The following RPS6KA5 variants were observed in gnomAD, a reference collection of about 807,000 sequenced individuals.
RPS6KA5 encodes the protein ribosomal protein S6 kinase alpha-5.
Under a neutral mutation model 85.5 loss-of-function variants are expected in RPS6KA5, and 27 were observed. The observed-to-expected ratio is 0.32, with a 90% CI of 0.23 to 0.44. The LOEUF is 0.44. Among genes scored for constraint, RPS6KA5 ranks in the 20% least tolerant of loss-of-function variants. RPS6KA5 has a pLI of 1.00. For missense variants in RPS6KA5, 811 were observed against 980.9 expected (o/e 0.83, Z 2.31); for synonymous variants, 334 against 348.2 (o/e 0.96, Z 0.46).
chr14:90,944,968 C>T (rs368796061), intron 4 of RPS6KA5, among the ~76,000 whole-genome samples: 12 of 147,990 alleles, frequency 8.1e-5, no homozygotes, highest in Non-Finnish European at 1.2e-4. Context: ...GAATAAAAAA[C>T]GGACAAGTGT....
At chr14:91,016,988 C>T (rs555165780) in intron 1 of RPS6KA5, among the ~76,000 whole-genome samples, 1 of 152,158 alleles carries the variant, frequency 6.6e-6, no homozygotes, top group South Asian at 2.1e-4. Flanking sequence ...TCTGTGGATA[C>T]CAGCCAGTCT....
chr14:91,034,593 C>G (rs578022004), intron 1 of RPS6KA5, among the ~76,000 whole-genome samples: 1 of 152,264 alleles, frequency 6.6e-6, no homozygotes, highest in South Asian at 2.1e-4. Context: ...TAAAATGGAC[C>G]AATCAGCATG....
intron 1 of RPS6KA5, among the ~76,000 whole-genome samples, chr14:91,004,006 T>C (rs1055450034): frequency 6.6e-6 from 1 of 152,232 alleles, no homozygotes; most frequent in African/African-American, 2.4e-5. Flanking sequence ...GGTCAAGGTT[T>C]CAGTTTGGGG....
rs866436833 is a variant in RPS6KA5, at chr14:90,863,013, C to T, written c.*9061G>A. 5.3e-5 allele frequency: 8 copies of T among 151,638 alleles called. No individual in the cohort carries two copies. The South Asian group carries it at 1.2e-3, about 24-fold the overall frequency. 9.4% of individuals were successfully genotyped at this position (151,638 alleles called of 1,614,324 possible). A position where few individuals can be genotyped will look rare whatever the true frequency, so the allele number is the denominator to read the frequency against. ...ATATCTATAAAAAAATTAAATAAAA[C>T]ATAATATTGGGCTGGGTGAGGTGGC... On this transcript the variant is annotated 3_prime_UTR_variant, in exon 17 of 17. Coordinates refer to ENST00000614987, the MANE Select transcript of RPS6KA5 (RefSeq NM_004755.4).
At chr14:90,960,008 G>A (rs1429850958) in intron 3 of RPS6KA5, among the ~76,000 whole-genome samples, 1 of 152,122 alleles carries the variant, frequency 6.6e-6, no homozygotes, top group Non-Finnish European at 1.5e-5. Context: ...ACTTGATCAT[G>A]CCCAGCATGC....
At position 90,860,776 on chromosome 14, in the gene RPS6KA5, A is replaced by G. The variant is rs1400100697; in HGVS notation, c.*11298T>C. ...AAGACTGGCACTAAAATAAATACTA[A>G]AGAGAATTCTCCAGATGAAGAAAAG... On this transcript the variant is annotated 3_prime_UTR_variant, in exon 17 of 17. Transcript: ENST00000614987. The G allele has an allele frequency of 6.6e-6, 1 of 152,204 alleles. No homozygotes were observed. Among genetic ancestry groups the G allele is most frequent in the Non-Finnish European group, 1.5e-5 (1 of 68,038 alleles). 9.4% of individuals were successfully genotyped at this position (152,204 alleles called of 1,614,324 possible). A position where few individuals can be genotyped will look rare whatever the true frequency, so the allele number is the denominator to read the frequency against.
chr14:91,038,777 C>A (rs957816016), intron 1 of RPS6KA5, among the ~76,000 whole-genome samples: 1 of 152,194 alleles, frequency 6.6e-6, no homozygotes, highest in Non-Finnish European at 1.5e-5. Context: ...TGTCTCATGG[C>A]CAGTGCTAAT....
At chr14:91,017,163 A>G (rs1191569191) in intron 1 of RPS6KA5, among the ~76,000 whole-genome samples, 1 of 152,216 alleles carries the variant, frequency 6.6e-6, no homozygotes, top group Non-Finnish European at 1.5e-5. Context: ...TGCCAGCAGC[A>G]GAGACCAATA....
rs1257065258 is a variant in RPS6KA5, at chr14:90,860,857, A to T, written c.*11217T>A. 6.6e-6 allele frequency: 1 copy of T among 152,038 alleles called. No individual in the cohort carries two copies. The highest frequency in any genetic ancestry group is 1.5e-5 in the Non-Finnish European group (1 of 68,048). The allele number at this position is 152,038 out of a possible 1,614,324, so 9.4% of individuals were successfully genotyped here. A position where few individuals can be genotyped will look rare whatever the true frequency, so the allele number is the denominator to read the frequency against. ...TGGAAAGAAAAACACCAGAAAACAT[A>T]AATATGTGAGCAAACAAACAATATA... is the stretch of plus-strand genomic sequence containing the variant. On this transcript the variant is annotated 3_prime_UTR_variant, in exon 17 of 17. Coordinates refer to ENST00000614987, the MANE Select transcript of RPS6KA5 (RefSeq NM_004755.4).
chr14:90,895,435 C>G (rs2034785429), intron 12 of RPS6KA5, among the ~76,000 whole-genome samples: 2 of 152,148 alleles, frequency 1.3e-5, no homozygotes, highest in African/African-American at 4.8e-5. Context: ...TTTCAGGGTT[C>G]CTGTTAATAT....
chr14:91,044,334 A>T (rs2042733532), intron 1 of RPS6KA5, among the ~76,000 whole-genome samples: 1 of 85,290 alleles, frequency 1.2e-5, no homozygotes, highest in African/African-American at 4.6e-5. Flanking sequence ...AGAGAGAAAG[A>T]TAGACAAAGA....
At position 90,913,777 on chromosome 14, in the gene RPS6KA5, G is replaced by C. The variant is rs537076214; in HGVS notation, c.806+6429C>G. Among the ~76,000 whole-genome samples, 102 of 152,330 alleles carry C rather than the reference G, an allele frequency of 6.7e-4. 2 individuals carry two copies. In the South Asian group the frequency reaches 0.02, roughly 30 times the overall value. ...GGGGGAAGATGATAGTGATGGAAGA[G>C]AGTGGTAAACTCAGACCTTGGGGGT... On this transcript the variant is annotated intron_variant, in intron 7 of 16. Transcript: ENST00000614987.
chr14:91,041,422 TA>T (rs574751642), intron 1 of RPS6KA5, among the ~76,000 whole-genome samples: 17 of 152,240 alleles, frequency 1.1e-4, no homozygotes, highest in African/African-American at 2.2e-4. Context: ...TATTTGAGAT[TA>T]TTTTTTTCTT....
chr14:90,971,266 G>A (rs561373279), intron 3 of RPS6KA5, among the ~76,000 whole-genome samples: 2 of 152,150 alleles, frequency 1.3e-5, no homozygotes, highest in Admixed American at 6.5e-5. Flanking sequence ...GCAATGAGCC[G>A]AGATCACGCC....
intron 14 of RPS6KA5, among the ~76,000 whole-genome samples, chr14:90,883,814 G>A (rs929731740): frequency 1.3e-5 from 2 of 152,044 alleles, no homozygotes; most frequent in African/African-American, 2.4e-5. Flanking sequence ...ATTGCTTTTC[G>A]TTTTTTGATT....
intron 14 of RPS6KA5, among the ~76,000 whole-genome samples, chr14:90,884,980 C>T (rs541279928): frequency 6.1e-4 from 93 of 152,202 alleles, no homozygotes; most frequent in African/African-American, 2.2e-3. Context: ...GGGCAGGGAA[C>T]AGGGGCTCAC....
chr14:90,965,602 G>A (rs1231069471), intron 3 of RPS6KA5, among the ~76,000 whole-genome samples: 1 of 152,124 alleles, frequency 6.6e-6, no homozygotes, highest in East Asian at 1.9e-4. Context: ...CACGAGAGAG[G>A]GGTAAAATGC....
At chr14:90,921,909 G>C (rs975050807) in intron 6 of RPS6KA5, among the ~76,000 whole-genome samples, 38 of 152,054 alleles carry the variant, frequency 2.5e-4, no homozygotes, top group African/African-American at 8.2e-4. Flanking sequence ...GTTAAAAAAT[G>C]AACAAATTTT....
intron 1 of RPS6KA5, among the ~76,000 whole-genome samples, chr14:91,039,921 T>G (rs7153298): frequency 0.13 from 19,664 of 152,120 alleles, 1,479 homozygotes; most frequent in East Asian, 0.31. Flanking sequence ...TATCATTAGA[T>G]TAGACACTGA....
Sources: gnomAD v4.1 joint callset for allele counts (sites outside exome capture counted in the v4.1 genomes callset) on GRCh38, gnomAD v4.1.1 for gene constraint, MANE v1.5 for transcripts, NCBI Gene and HGNC (gene_info 2026-07-23, HGNC 2026-07-21) for gene names.